ATP9B: variants seen among roughly 807,000 people sequenced by gnomAD.
ATP9B encodes ATPase phospholipid transporting 9B.
In ATP9B, 110 loss-of-function variants were observed where a neutral mutation model predicts 146.1. The observed-to-expected ratio is 0.75, with a 90% CI of 0.65 to 0.88. The LOEUF is 0.88. Among genes scored for constraint, ATP9B ranks in the 40% least tolerant of loss-of-function variants. ATP9B has a pLI of 0.00. For missense variants in ATP9B, 1,499 were observed against 1,496.4 expected, an observed-to-expected ratio of 1.00 and a Z score of -0.03; for synonymous variants, 604 against 569.7, an observed-to-expected ratio of 1.06 and a Z score of -0.86.
rs148362355 is a variant in ATP9B at position 79,108,496 on chromosome 18, G to T, written c.294-1859G>T. 5.9e-3 allele frequency among the ~76,000 whole-genome samples: 891 copies of T among 152,246 alleles called. 5 individuals are homozygous for T. Among genetic ancestry groups the T allele is most frequent in the African/African-American group, 0.021 (861 of 41,524 alleles). On this transcript the variant is annotated intron_variant, in intron 2 of 29. Coordinates refer to ENST00000426216, the MANE Select transcript of ATP9B (RefSeq NM_198531.5). ...CTTGAAAGTATGCTTTCAGTTTGGA[G>T]GTGTTTGGGTTTATTGTTTCAAAAG...
intron 25 of ATP9B, 84 bp downstream of exon 25, chr18:79,348,280 A>C: frequency 1.6e-6 from 2 of 1,224,236 alleles, no homozygotes; most frequent in Non-Finnish European, 2.3e-6. Context: ...CAAAAAACGT[A>C]TATAGAAGAT....
Position 79,143,842 on chromosome 18 carries a change from C to T in ATP9B, c.708C>T (p.Asp236=), listed in dbSNP as rs1397470130. ...AGAGTTCAGACATACAAGTTGGAGA[C>T]CTCATCATAGTGGAAAAGGTTGATG... is the stretch of plus-strand genomic sequence containing the variant. ...QVKSSDIQVG[D]LIIVEKNQRI... Residue 236 remains aspartate (D), a synonymous_variant, in exon 6 of 30, where the codon GAC becomes GAT. Transcript: ENST00000426216. 2 of 1,583,972 alleles carry T rather than the reference C, an allele frequency of 1.3e-6. No individual in the cohort carries two copies. The highest frequency in any genetic ancestry group is 8.6e-7 in the Non-Finnish European group (1 of 1,166,722).
In ATP9B at chr18:79,290,602, G is replaced by A. The variant is rs929838562; in HGVS notation, c.1412-13002G>A. ...AATGCCTCGCCCTGCTTCGGCTCGC[G>A]CAACATGCGCTGCACCCACTGTCCT... On this transcript the variant is annotated intron_variant, in intron 13 of 29. Transcript: ENST00000426216. 6.6e-5 allele frequency among the ~76,000 whole-genome samples: 10 copies of A among 152,310 alleles called. No individual in the cohort carries two copies. In the East Asian group the frequency reaches 1.2e-3, roughly 18 times the overall value.
chr18:79,304,801 G>A (rs115365286), intron 14 of ATP9B, among the ~76,000 whole-genome samples: 3,693 of 152,286 alleles, frequency 0.024, 121 homozygotes, highest in African/African-American at 0.077. Flanking sequence ...AGTTTGATCA[G>A]ACCTGGAGAT....
intron 12 of ATP9B, among the ~76,000 whole-genome samples, chr18:79,256,102 A>G (rs1243344211): frequency 6.6e-6 from 1 of 151,620 alleles, no homozygotes; most frequent in Non-Finnish European, 1.5e-5. Flanking sequence ...ATAAATATCC[A>G]TTAGATTGAT....
intron 2 of ATP9B, among the ~76,000 whole-genome samples, chr18:79,104,251 C>T (rs1472420993): frequency 2.0e-5 from 3 of 152,032 alleles, no homozygotes; most frequent in Admixed American, 2.0e-4. Context: ...GTGTCCAGGC[C>T]GTTAGGTGAT....
chr18:79,368,580 G>A (rs1019425145), intron 26 of ATP9B, among the ~76,000 whole-genome samples: 2 of 152,096 alleles, frequency 1.3e-5, no homozygotes, highest in African/African-American at 4.8e-5. Context: ...TGAACTTTCT[G>A]TCCAGTAATA....
At chr18:79,367,572 G>A (rs1235349342) in intron 26 of ATP9B, among the ~76,000 whole-genome samples, 3 of 152,372 alleles carry the variant, frequency 2.0e-5, no homozygotes, top group East Asian at 1.9e-4. Flanking sequence ...CAGAGAAAGC[G>A]CCTCCTCAAC....
At chr18:79,308,486 A>G (rs1568636224) in intron 15 of ATP9B, among the ~76,000 whole-genome samples, 3 of 152,224 alleles carry the variant, frequency 2.0e-5, no homozygotes, top group Non-Finnish European at 2.9e-5. Flanking sequence ...AGCCACGTCT[A>G]TGATGGCATC....
chr18:79,329,887 G>A (rs1342296145), intron 16 of ATP9B, 125 bp from the exon 17 acceptor site: 2 of 833,188 alleles, frequency 2.4e-6, no homozygotes, highest in South Asian at 1.6e-5. Flanking sequence ...CGTGTGAGGA[G>A]CTTAACACAC....
At chr18:79,259,645 C>A (rs9962482) in intron 12 of ATP9B, among the ~76,000 whole-genome samples, 116,002 of 152,058 alleles carry the variant, frequency 0.76, 44,593 homozygotes, top group African/African-American at 0.81. Flanking sequence ...CTTGCCTGTG[C>A]GCTTCCAGAG....
chr18:79,329,180 C>CTG lies in ATP9B; in HGVS notation c.1814_1815dup (p.Val606TrpfsTer11). 6.2e-7 allele frequency: 1 copy of CTG among 1,610,600 alleles called. No individual in the cohort carries two copies. Among genetic ancestry groups the CTG allele is most frequent in the African/African-American group, 1.3e-5 (1 of 74,910 alleles). On this transcript the variant is annotated frameshift_variant, in exon 16 of 30. Transcript: ENST00000426216. LOFTEE classifies it high-confidence loss of function. ...GTGGACAGAGAGTGTGGGCCTCACG[C>CTG]TGGTCAGCAGGGACCTCACCTCCAT...
intron 13 of ATP9B, among the ~76,000 whole-genome samples, chr18:79,288,515 C>T (rs1478216388): frequency 3.3e-5 from 5 of 152,038 alleles, no homozygotes; most frequent in South Asian, 2.1e-4. Context: ...TGTCTCTGCA[C>T]GTGAGATGGG....
intron 11 of ATP9B, among the ~76,000 whole-genome samples, chr18:79,222,657 G>A (rs1253394860): frequency 1.3e-5 from 2 of 152,244 alleles, no homozygotes; most frequent in Non-Finnish European, 2.9e-5. Context: ...AAGAATTCTT[G>A]AAGGTGAGGA....
At position 79,378,035 on chromosome 18, in the gene ATP9B, T is replaced by C. The variant is rs2280057; in HGVS notation, c.*652T>C. 0.26 allele frequency: 39,212 copies of C among 152,350 alleles called. 5,817 individuals are homozygous for C. The highest frequency in any genetic ancestry group is 0.41 in the African/African-American group (17,106 of 41,512). The allele number at this position is 152,350 out of a possible 1,614,324, so 9.4% of individuals were successfully genotyped here. A position where few individuals can be genotyped will look rare whatever the true frequency, so the allele number is the denominator to read the frequency against. Reference sequence around the variant, plus strand: ...CATCTTACTCTGGCATTCTGAGAATTAGACTGAAAGTTTAATTTCTGCAGT... The same window carrying C: ...CATCTTACTCTGGCATTCTGAGAATCAGACTGAAAGTTTAATTTCTGCAGT... On this transcript the variant is annotated 3_prime_UTR_variant, in exon 30 of 30. Transcript: ENST00000426216.
chr18:79,193,763 CTCTT>C (rs371738918), intron 9 of ATP9B, among the ~76,000 whole-genome samples: 30 of 152,282 alleles, frequency 2.0e-4, no homozygotes, highest in Non-Finnish European at 4.1e-4. Context: ...GACTCAATAA[CTCTT>C]TATTTTAACA....
chr18:79,369,626 A>C (rs2097057857), intron 26 of ATP9B, among the ~76,000 whole-genome samples: 2 of 151,952 alleles, frequency 1.3e-5, no homozygotes, highest in African/African-American at 2.4e-5. Flanking sequence ...TTACAGACTC[A>C]GGACAGGAGT....
At chr18:79,244,959 A>G (rs1179787220) in intron 11 of ATP9B, among the ~76,000 whole-genome samples, 3 of 151,794 alleles carry the variant, frequency 2.0e-5, no homozygotes, top group Non-Finnish European at 4.4e-5. Context: ...TTAGAATAGA[A>G]TCTATTTTTT....
intron 13 of ATP9B, among the ~76,000 whole-genome samples, chr18:79,288,824 T>G (rs903410680): frequency 6.6e-6 from 1 of 152,182 alleles, no homozygotes; most frequent in Non-Finnish European, 1.5e-5. Flanking sequence ...TGACAAAATC[T>G]CTCAGCATTT....
Sources: allele counts gnomAD v4.1 joint callset (sites outside exome capture counted in the v4.1 genomes callset), GRCh38; gene constraint gnomAD v4.1.1; transcripts MANE v1.5; gene names NCBI Gene and HGNC (gene_info 2026-07-23, HGNC 2026-07-21).